Variants in SAMD4A observed in about 807,000 individuals in gnomAD.
The protein encoded by SAMD4A is sterile alpha motif domain containing 4A, also known as protein Smaug homolog 1.
SAMD4A carries 33 observed loss-of-function variants against 81.3 expected under a neutral mutation model. The observed-to-expected ratio is 0.41, with a 90% confidence interval of 0.31 to 0.54. The LOEUF is 0.54. Among genes scored for constraint, SAMD4A ranks in the 20% least tolerant of loss-of-function variants. SAMD4A has a pLI of 0.37. For synonymous variants in SAMD4A, 389 were observed against 382.1 expected (o/e 1.02, Z -0.21); for missense variants, 854 against 951.1 (o/e 0.90, Z 1.34).
chr14:54,661,880 A>G (rs996691179), intron 2 of SAMD4A, among the ~76,000 whole-genome samples: 3 of 152,198 alleles, frequency 2.0e-5, no homozygotes, highest in Non-Finnish European at 4.4e-5. Flanking sequence ...CAGAACTCAC[A>G]GGTGTGCAGG....
At chr14:54,715,170 C>T (rs2037087890) in intron 3 of SAMD4A, among the ~76,000 whole-genome samples, 2 of 151,974 alleles carry the variant, frequency 1.3e-5, no homozygotes, top group Admixed American at 6.6e-5. Context: ...GGAAGTGTGA[C>T]CAGTCCCAAG....
intron 2 of SAMD4A, among the ~76,000 whole-genome samples, chr14:54,691,243 G>A (rs1315313131): frequency 6.6e-6 from 1 of 152,178 alleles, no homozygotes; most frequent in Non-Finnish European, 1.5e-5. Context: ...CTTGCAACTT[G>A]GGAAGGATGA....
At chr14:54,642,746 C>T (rs779723710) in intron 2 of SAMD4A, among the ~76,000 whole-genome samples, 3 of 152,106 alleles carry the variant, frequency 2.0e-5, no homozygotes, top group Non-Finnish European at 2.9e-5. Flanking sequence ...GATGGAGAGT[C>T]GGACGAAGAG....
intron 2 of SAMD4A, chr14:54,694,684 C>T (rs1261199069): frequency 3.7e-5 from 36 of 985,258 alleles, no homozygotes; most frequent in Middle Eastern, 5.2e-4. Context: ...TTTGTGCCCT[C>T]TGGGAATGGC....
intron 7 of SAMD4A, among the ~76,000 whole-genome samples, chr14:54,763,375 A>G (rs1401497433): frequency 6.6e-6 from 1 of 152,070 alleles, no homozygotes; most frequent in Non-Finnish European, 1.5e-5. Flanking sequence ...TTTAAAAAGT[A>G]TATATACTTA....
intron 4 of SAMD4A, among the ~76,000 whole-genome samples, chr14:54,743,613 G>A (rs753957615): frequency 4.6e-5 from 7 of 151,148 alleles, no homozygotes; most frequent in Admixed American, 6.7e-5. Context: ...CATCTCTAAC[G>A]GAAACTGCGG....
At chr14:54,643,784 C>T (rs989416149) in intron 2 of SAMD4A, among the ~76,000 whole-genome samples, 1 of 152,126 alleles carries the variant, frequency 6.6e-6, no homozygotes, top group Non-Finnish European at 1.5e-5. Context: ...CTTACTTCTC[C>T]CTGACTGAAG....
chr14:54,637,690 C>T (rs918052868), intron 2 of SAMD4A, among the ~76,000 whole-genome samples: 2 of 152,160 alleles, frequency 1.3e-5, no homozygotes, highest in Non-Finnish European at 2.9e-5. Context: ...TCCATCAGTT[C>T]TGGCCTCACA....
intron 9 of SAMD4A, among the ~76,000 whole-genome samples, chr14:54,774,134 C>A (rs1167133300): frequency 6.6e-6 from 1 of 152,212 alleles, no homozygotes; most frequent in African/African-American, 2.4e-5. Flanking sequence ...GGTAGGGAGG[C>A]GCAAGGCGGC....
intron 2 of SAMD4A, among the ~76,000 whole-genome samples, chr14:54,663,029 T>C (rs945167281): frequency 6.6e-6 from 1 of 152,168 alleles, no homozygotes; most frequent in Non-Finnish European, 1.5e-5. Context: ...TTAATCACAC[T>C]GGGGAAACTA....
At chr14:54,582,570 C>T (rs2033499246) in intron 2 of SAMD4A, among the ~76,000 whole-genome samples, 1 of 152,116 alleles carries the variant, frequency 6.6e-6, no homozygotes, top group African/African-American at 2.4e-5. Flanking sequence ...ACGGCATGCC[C>T]TAGAGTGAAG....
At chr14:54,632,971 T>C (rs1232244521) in intron 2 of SAMD4A, among the ~76,000 whole-genome samples, 1 of 152,212 alleles carries the variant, frequency 6.6e-6, no homozygotes, top group Non-Finnish European at 1.5e-5. Context: ...ATCACAGCAA[T>C]GAATAGTCCT....
chr14:54,583,574 A>G (rs2033535128), intron 2 of SAMD4A, among the ~76,000 whole-genome samples: 2 of 152,054 alleles, frequency 1.3e-5, no homozygotes. Context: ...CCTTTGATTG[A>G]TCTTTTTCTT....
chr14:54,669,935 G>A (rs947633861), intron 2 of SAMD4A, among the ~76,000 whole-genome samples: 1 of 151,768 alleles, frequency 6.6e-6, no homozygotes, highest in Non-Finnish European at 1.5e-5. Context: ...ATTCCCTTCT[G>A]CCCCCCCAGC....
At chr14:54,693,099 A>G (rs900728608) in intron 2 of SAMD4A, 1 of 152,016 alleles carries the variant, frequency 6.6e-6, no homozygotes, top group African/African-American at 2.4e-5. Context: ...CAATGGGGAA[A>G]CTTTCCATCT....
rs1221549150 is a variant in SAMD4A, at chr14:54,567,877, C to G, written c.-40C>G. Reference sequence around the variant, plus strand: ...TTGGGGCGGGCGGGGCGGGCTGGGGCGCCCAGGGGGCTCTGTAGACCGAGG... The same window carrying G: ...TTGGGGCGGGCGGGGCGGGCTGGGGGGCCCAGGGGGCTCTGTAGACCGAGG... On this transcript the variant is annotated 5_prime_UTR_variant, in exon 2 of 13. Transcript: ENST00000554335. 6.4e-7 allele frequency: 1 copy of G among 1,567,638 alleles called. No individual in the cohort carries two copies. Among genetic ancestry groups the G allele is most frequent in the Non-Finnish European group, 8.6e-7 (1 of 1,165,940 alleles).
At chr14:54,722,903 C>CA (rs1477562637) in intron 3 of SAMD4A, among the ~76,000 whole-genome samples, 1 of 152,096 alleles carries the variant, frequency 6.6e-6, no homozygotes. Context: ...GACACATAAA[C>CA]AATAGCAACA....
At chr14:54,632,480 G>A (rs1486844918) in intron 2 of SAMD4A, among the ~76,000 whole-genome samples, 1 of 152,110 alleles carries the variant, frequency 6.6e-6, no homozygotes, top group Non-Finnish European at 1.5e-5. Flanking sequence ...GTTCCTTATA[G>A]GTCTTTGCAT....
chr14:54,629,215 G>C (rs774226802), intron 2 of SAMD4A, among the ~76,000 whole-genome samples: 37 of 152,128 alleles, frequency 2.4e-4, no homozygotes, highest in Non-Finnish European at 5.9e-5. Context: ...CAATGCCCAG[G>C]ATTGACGGCC....
Sources: allele counts gnomAD v4.1 joint callset (sites outside exome capture counted in the v4.1 genomes callset), GRCh38; gene constraint gnomAD v4.1.1; transcripts MANE v1.5; gene names NCBI Gene and HGNC (gene_info 2026-07-23, HGNC 2026-07-21).